Variants in ATP2A2 observed in about 807,000 individuals in gnomAD.
ATP2A2 encodes sarcoplasmic/endoplasmic reticulum calcium ATPase 2.
In ATP2A2, 14 loss-of-function variants were observed where a neutral mutation model predicts 109.3. The observed-to-expected ratio is 0.13, with a 90% CI of 0.08 to 0.20. The LOEUF is 0.20. ATP2A2 is among the 10% of genes least tolerant of loss of function. ATP2A2 has a pLI of 1.00. For missense variants in ATP2A2, 657 were observed against 1,321.6 expected (o/e 0.50, Z 7.80); for synonymous variants, 506 against 490.9 (o/e 1.03, Z -0.41).
At chr12:110,330,169 AATT>A (rs1367638536) in intron 8 of ATP2A2, 6 of 152,148 alleles carry the variant, frequency 3.9e-5, no homozygotes, top group Non-Finnish European at 8.8e-5. Context: ...GGTTTTAGAT[AATT>A]ATTTTTAACA....
At chr12:110,322,075 C>T (rs1877305187) in intron 5 of ATP2A2, among the ~76,000 whole-genome samples, 1 of 152,036 alleles carries the variant, frequency 6.6e-6, no homozygotes, top group Non-Finnish European at 1.5e-5. Context: ...ACTGCAAGCT[C>T]CGCCTCCCGG....
At chr12:110,319,634 A>G (rs1332745790) in intron 5 of ATP2A2, among the ~76,000 whole-genome samples, 1 of 148,552 alleles carries the variant, frequency 6.7e-6, no homozygotes, top group Non-Finnish European at 1.5e-5. Context: ...ATACTATATT[A>G]TATATTAATA....
chr12:110,332,575 C>G, intron 8 of ATP2A2, 22 bp from the exon 9 acceptor site: 1 of 1,578,970 alleles, frequency 6.3e-7, no homozygotes, highest in Non-Finnish European at 8.7e-7. Context: ...TTTAAATACT[C>G]TGATGCGCTC....
intron 3 of ATP2A2, among the ~76,000 whole-genome samples, chr12:110,288,937 G>A (rs1253703997): frequency 2.0e-5 from 3 of 152,018 alleles, no homozygotes; most frequent in Non-Finnish European, 4.4e-5. Flanking sequence ...GGTTTCTGTT[G>A]TCAATCCTCT....
chr12:110,282,546 C>CTT, intron 1 of ATP2A2, 58 bp from the exon 2 acceptor site: 3 of 1,315,310 alleles, frequency 2.3e-6, no homozygotes, highest in Admixed American at 1.9e-5. Context: ...ATGTCTCTCT[C>CTT]TTTTTTTTTT....
chr12:110,288,222 C>T (rs1342742735), intron 3 of ATP2A2, among the ~76,000 whole-genome samples: 5 of 150,644 alleles, frequency 3.3e-5, no homozygotes, highest in African/African-American at 9.8e-5. Flanking sequence ...GCAATCTTCC[C>T]GAGTAGTCAG....
chr12:110,327,261 G>A lies in ATP2A2; in HGVS notation c.631-292G>A, dbSNP rs930957253. 1.3e-5 allele frequency among the ~76,000 whole-genome samples: 2 copies of A among 149,278 alleles called. No homozygotes were observed. The highest frequency in any genetic ancestry group is 6.6e-5 in the Admixed American group (1 of 15,082). On this transcript the variant is annotated intron_variant, in intron 7 of 19. Coordinates refer to ENST00000539276, the MANE Select transcript of ATP2A2 (RefSeq NM_170665.4). This position sits in a 1 kb window ranked among gnomAD's most constrained non-coding sequence, Gnocchi z 4.4. ...GAGAATGCTTAGAGTTGAACTATAT[G>A]AGTTTGAAAAATTGGGAACACAGAG...
At chr12:110,303,822 A>C (rs1255338429) in intron 5 of ATP2A2, among the ~76,000 whole-genome samples, 1 of 152,172 alleles carries the variant, frequency 6.6e-6, no homozygotes, top group Non-Finnish European at 1.5e-5. Context: ...CAGCCTCCCA[A>C]AGTGCTGGGA....
chr12:110,345,644 T>C, intron 18 of ATP2A2: 1 of 593,896 alleles, frequency 1.7e-6, no homozygotes, highest in Non-Finnish European at 3.0e-6. Flanking sequence ...TACCCCTGTA[T>C]GCCAGCACCC....
chr12:110,339,252 A>G lies in ATP2A2; in HGVS notation c.1420-29A>G. The G allele has an allele frequency of 6.2e-7, 1 of 1,613,500 alleles. No homozygotes were observed. Among genetic ancestry groups the G allele is most frequent in the Non-Finnish European group, 8.5e-7 (1 of 1,179,932 alleles). ...TAAAAAAGTTCAGAAATTGCCACCC[A>G]GTAGTATCCATATTTGTTCCCTTTG... On this transcript the variant is annotated intron_variant, in intron 11 of 19. Coordinates refer to ENST00000539276, the MANE Select transcript of ATP2A2 (RefSeq NM_170665.4). The surrounding 1 kb of genome is among the most constrained non-coding windows in gnomAD (Gnocchi z 4.4).
chr12:110,282,085 T>C (rs1872163172), intron 1 of ATP2A2, among the ~76,000 whole-genome samples, 178 bp downstream of exon 1: 1 of 151,382 alleles, frequency 6.6e-6, no homozygotes, highest in South Asian at 2.1e-4. Flanking sequence ...TCGCCTCGCC[T>C]TCCCTGGACC....
At chr12:110,341,650 A>G (rs1879364361) in intron 14 of ATP2A2, among the ~76,000 whole-genome samples, 1 of 152,134 alleles carries the variant, frequency 6.6e-6, no homozygotes, top group Non-Finnish European at 1.5e-5. Flanking sequence ...AGGCAGGTGA[A>G]TCACTTGGGG....
chr12:110,329,644 GC>G (rs1878147823), intron 8 of ATP2A2: 1 of 151,908 alleles, frequency 6.6e-6, no homozygotes, highest in South Asian at 2.1e-4. Context: ...TCTCGAACTC[GC>G]GACCTCAAGT....
intron 4 of ATP2A2, among the ~76,000 whole-genome samples, chr12:110,293,826 A>ATGTGTGTGTGTGTG (rs59260681): frequency 4.0e-4 from 43 of 108,588 alleles, no homozygotes; most frequent in African/African-American, 1.2e-3. Context: ...TGCCATATAT[A>ATGTGTGTGTGTGTG]TGTGTGTGTG....
chr12:110,345,875 G>A, intron 18 of ATP2A2, 126 bp from the exon 19 acceptor site: 1 of 910,396 alleles, frequency 1.1e-6, no homozygotes, highest in Non-Finnish European at 1.8e-6. Context: ...GAAAGTGGAG[G>A]TAGGTCAGCG....
At chr12:110,322,629 T>C (rs1275950459) in intron 5 of ATP2A2, among the ~76,000 whole-genome samples, 2 of 152,248 alleles carry the variant, frequency 1.3e-5, no homozygotes, top group Non-Finnish European at 2.9e-5. Flanking sequence ...AACTTTATTC[T>C]CTTTGCTGTG....
chr12:110,341,783 G>C (rs1248548004), intron 14 of ATP2A2, among the ~76,000 whole-genome samples: 2 of 152,208 alleles, frequency 1.3e-5, no homozygotes, highest in Non-Finnish European at 2.9e-5. Context: ...TGAGGCAGGA[G>C]AATCGCTTGA....
chr12:110,287,520 C>T (rs1258255998), intron 3 of ATP2A2, among the ~76,000 whole-genome samples: 1 of 152,178 alleles, frequency 6.6e-6, no homozygotes, highest in African/African-American at 2.4e-5. Context: ...TAGCACAAAG[C>T]AAAGGGAAGA....
At chr12:110,337,307 A>C (rs1490165175) in intron 11 of ATP2A2, among the ~76,000 whole-genome samples, 2 of 152,182 alleles carry the variant, frequency 1.3e-5, no homozygotes, top group Non-Finnish European at 1.5e-5. Context: ...TTGTTTGGTG[A>C]GGTCTGTGGT....
Sources: gnomAD v4.1 joint callset for allele counts (sites outside exome capture counted in the v4.1 genomes callset) on GRCh38, gnomAD v4.1.1 for gene constraint, Gnocchi (gnomAD v3.1) non-coding constraint, MANE v1.5 for transcripts, NCBI Gene and HGNC (gene_info 2026-07-23, HGNC 2026-07-21) for gene names.